ADAMTS6: variants seen among roughly 807,000 people sequenced by gnomAD.
ADAMTS6 encodes ADAM metallopeptidase with thrombospondin type 1 motif 6.
ADAMTS6 carries 23 observed loss-of-function variants against 144.3 expected under a neutral mutation model. That is an observed-to-expected ratio of 0.16 (90% CI 0.11 to 0.23). The LOEUF is 0.23. Among genes scored for constraint, ADAMTS6 ranks in the 10% least tolerant of loss-of-function variants. ADAMTS6 has a pLI of 1.00. For missense variants in ADAMTS6, 999 were observed against 1,379.6 expected (o/e 0.72, Z 4.37); for synonymous variants, 444 against 457.5 (o/e 0.97, Z 0.38).
chr5:65,402,493 C>G (rs763581959), intron 7 of ADAMTS6, among the ~76,000 whole-genome samples: 2 of 152,092 alleles, frequency 1.3e-5, no homozygotes, highest in Non-Finnish European at 2.9e-5. Flanking sequence ...CTTCTTCTCT[C>G]TCCTCAAATC....
At chr5:65,178,501 G>C (rs1053540691) in intron 22 of ADAMTS6, among the ~76,000 whole-genome samples, 9 of 152,100 alleles carry the variant, frequency 5.9e-5, no homozygotes, top group Non-Finnish European at 1.3e-4. Flanking sequence ...CCAGCCCTGG[G>C]GCTACCTGAA....
At chr5:65,297,757 T>A (rs1742985358) in intron 10 of ADAMTS6, among the ~76,000 whole-genome samples, 1 of 152,190 alleles carries the variant, frequency 6.6e-6, no homozygotes, top group Non-Finnish European at 1.5e-5. Flanking sequence ...TTAAAAACCC[T>A]TTATTGCTTG....
chr5:65,271,024 T>C (rs1762009294), intron 12 of ADAMTS6, among the ~76,000 whole-genome samples: 1 of 152,176 alleles, frequency 6.6e-6, no homozygotes, highest in Non-Finnish European at 1.5e-5. Context: ...GGTGAATCTT[T>C]AGAAATCAAA....
rs534380650 is a variant in ADAMTS6, at chr5:65,390,194, T to C, written c.1074-56109A>G. Among the ~76,000 whole-genome samples the C allele has an allele frequency of 4.7e-4, 72 of 152,334 alleles. 1 individual carries two copies. The highest frequency in any genetic ancestry group is 4.6e-3 in the Admixed American group (71 of 15,302). ...CATAAAAATATGACAAATTTTAGTATAGACCAGGTTCACTAAAGTGAGAGA... is the reference window on the plus strand; with the variant it reads ...CATAAAAATATGACAAATTTTAGTACAGACCAGGTTCACTAAAGTGAGAGA... On this transcript the variant is annotated intron_variant, in intron 7 of 24. Coordinates refer to ENST00000381055, the MANE Select transcript of ADAMTS6 (RefSeq NM_197941.4).
At chr5:65,297,397 A>G (rs1392736739) in intron 10 of ADAMTS6, among the ~76,000 whole-genome samples, 1 of 152,212 alleles carries the variant, frequency 6.6e-6, no homozygotes, top group Non-Finnish European at 1.5e-5. Context: ...TAAATCATAG[A>G]AAGCTCATTG....
intron 22 of ADAMTS6, among the ~76,000 whole-genome samples, chr5:65,176,365 G>A (rs185068895): frequency 1.3e-5 from 2 of 152,162 alleles, no homozygotes; most frequent in African/African-American, 4.8e-5. Flanking sequence ...AACAGTTTAT[G>A]TGCAAGTTGT....
At chr5:65,421,797 TA>T (rs1756066221) in intron 7 of ADAMTS6, among the ~76,000 whole-genome samples, 1 of 152,030 alleles carries the variant, frequency 6.6e-6, no homozygotes, top group African/African-American at 2.4e-5. Context: ...TCTCACTACA[TA>T]AAAAAATCAA....
chr5:65,360,103 G>A (rs1220371422), intron 7 of ADAMTS6, among the ~76,000 whole-genome samples: 1 of 152,138 alleles, frequency 6.6e-6, no homozygotes, highest in African/African-American at 2.4e-5. Context: ...ATTGGCTCAT[G>A]TTCCACAGGC....
At chr5:65,369,270 A>G (rs1379764616) in intron 7 of ADAMTS6, among the ~76,000 whole-genome samples, 1 of 152,172 alleles carries the variant, frequency 6.6e-6, no homozygotes, top group Non-Finnish European at 1.5e-5. Flanking sequence ...AAATTTGTAT[A>G]AATTGGGTAA....
chr5:65,274,210 A>T (rs893371521), intron 11 of ADAMTS6, among the ~76,000 whole-genome samples: 2 of 152,098 alleles, frequency 1.3e-5, no homozygotes, highest in African/African-American at 4.8e-5. Flanking sequence ...ATACTATATT[A>T]ACATATCAGA....
chr5:65,248,676 A>G lies in ADAMTS6; in HGVS notation c.1831-6470T>C, dbSNP rs140898830. Among the ~76,000 whole-genome samples, 1,204 of 152,018 alleles carry G rather than the reference A, an allele frequency of 7.9e-3. 6 individuals carry two copies. The highest frequency in any genetic ancestry group is 0.011 in the Non-Finnish European group (769 of 67,994). ...GTGGTGCATGCCTGTAGTTCCAGCT[A>G]CTTGGGAGGTTGAGGTGAGAGGATT... On this transcript the variant is annotated intron_variant, in intron 14 of 24. Transcript: ENST00000381055.
chr5:65,265,681 C>T, intron 12 of ADAMTS6, among the ~76,000 whole-genome samples: 1 of 151,776 alleles, frequency 6.6e-6, no homozygotes. Flanking sequence ...TTATTGATTT[C>T]AAATAACATT....
intron 22 of ADAMTS6, among the ~76,000 whole-genome samples, chr5:65,186,760 T>C (rs765761846): frequency 1.3e-5 from 2 of 152,102 alleles, no homozygotes; most frequent in Non-Finnish European, 2.9e-5. Flanking sequence ...AACTAAAAAA[T>C]CTAACTTAGG....
At chr5:65,477,096 A>T (rs1760893139) in intron 1 of ADAMTS6, among the ~76,000 whole-genome samples, 1 of 152,184 alleles carries the variant, frequency 6.6e-6, no homozygotes, top group African/African-American at 2.4e-5. Flanking sequence ...CAATAAGAAG[A>T]ATTCCATTAT....
At chr5:65,303,303 T>C (rs1743615092) in intron 9 of ADAMTS6, among the ~76,000 whole-genome samples, 1 of 152,164 alleles carries the variant, frequency 6.6e-6, no homozygotes, top group Non-Finnish European at 1.5e-5. Flanking sequence ...CTACTTCTTA[T>C]GTGAACAAAT....
At chr5:65,282,841 T>G (rs969204535) in intron 11 of ADAMTS6, among the ~76,000 whole-genome samples, 2 of 152,030 alleles carry the variant, frequency 1.3e-5, no homozygotes, top group African/African-American at 2.4e-5. Context: ...CAGGTTTACT[T>G]TGGAATAACC....
intron 15 of ADAMTS6, among the ~76,000 whole-genome samples, chr5:65,226,782 C>T (rs1254704042): frequency 3.9e-5 from 6 of 152,106 alleles, no homozygotes; most frequent in Non-Finnish European, 8.8e-5. Flanking sequence ...AGGGTTTCAC[C>T]ATGTTAGTCA....
chr5:65,415,250 C>T (rs1755403467), intron 7 of ADAMTS6: 1 of 152,324 alleles, frequency 6.6e-6, no homozygotes, highest in Non-Finnish European at 1.5e-5. Context: ...CATCATTAGT[C>T]ATTTGTGAAA....
At chr5:65,296,562 T>A (rs991949371) in intron 10 of ADAMTS6, among the ~76,000 whole-genome samples, 1 of 152,184 alleles carries the variant, frequency 6.6e-6, no homozygotes, top group Non-Finnish European at 1.5e-5. Flanking sequence ...TACATTTTTT[T>A]AAAAAGGTCC....
Sources: allele counts gnomAD v4.1 joint callset (sites outside exome capture counted in the v4.1 genomes callset), GRCh38; gene constraint gnomAD v4.1.1; transcripts MANE v1.5; gene names NCBI Gene and HGNC (gene_info 2026-07-23, HGNC 2026-07-21).